The following SRSF1 variants were observed in gnomAD, a reference collection of about 807,000 sequenced individuals.
The protein encoded by SRSF1 is serine and arginine rich splicing factor 1.
Under a neutral mutation model 25.9 loss-of-function variants are expected in SRSF1, and 1 was observed. That is an observed-to-expected ratio of 0.04 (90% CI 0.01 to 0.18). The LOEUF is 0.18. Ranked by LOEUF, SRSF1 falls within the 10% of genes least tolerant of loss-of-function variation. The pLI, the probability that SRSF1 is intolerant of heterozygous loss-of-function variation, is 1.00. For synonymous variants in SRSF1, 132 were observed against 126.2 expected (o/e 1.05, Z -0.31); for missense variants, 65 against 350.5 (o/e 0.19, Z 6.50).
At chr17:57,997,291 T>C (rs1249315278), downstream of SRSF1, among the ~76,000 whole-genome samples, 1 of 152,222 alleles carries the variant, frequency 6.6e-6, no homozygotes, top group East Asian at 1.9e-4. Context: ...TGGCTTCACA[T>C]CTGAGGAGTT....
chr17:57,996,658 TGC>T (rs2143442320), downstream of SRSF1, among the ~76,000 whole-genome samples: 1 of 152,250 alleles, frequency 6.6e-6, no homozygotes, highest in South Asian at 2.1e-4. Context: ...AGTTCAAGAA[TGC>T]TTCAGTCATT....
At position 58,002,302 on chromosome 17, in the gene SRSF1, CACA is replaced by C. The variant is rs767194148; in HGVS notation, c.*3101_*3103del. Among the ~76,000 whole-genome samples, 1 of 152,122 alleles carries C rather than the reference CACA, an allele frequency of 6.6e-6. No individual in the cohort carries two copies. The highest frequency in any genetic ancestry group is 1.5e-5 in the Non-Finnish European group (1 of 68,012). On this transcript the variant is annotated 3_prime_UTR_variant, in exon 4 of 4. Transcript: ENST00000258962. ...TTAACATCCCCTCTTCCCAACATTC[CACA>C]ACGTTCATTAAAATCTACCGATTGG...
At position 58,005,779 on chromosome 17, in the gene SRSF1, A is replaced by G. The variant is rs149236228; in HGVS notation, c.552+22T>C. On this transcript the variant is annotated intron_variant, in intron 3 of 3. Coordinates refer to ENST00000258962, the MANE Select transcript of SRSF1 (RefSeq NM_006924.5). This position sits in a 1 kb window ranked among gnomAD's most constrained non-coding sequence, Gnocchi z 5.2. ...CACTGTATCCAATTCTGGTCAAAGA[A>G]AAGAATACGTGTATAACCTACCTCA... 2 of 1,614,214 alleles carry G rather than the reference A, an allele frequency of 1.2e-6. No homozygotes were observed. The highest frequency in any genetic ancestry group is 1.3e-5 in the African/African-American group (1 of 75,060).
In SRSF1 at chr17:58,005,998, T is replaced by C; in HGVS notation, c.380-25A>G. The C allele has an allele frequency of 6.3e-7, 1 of 1,598,038 alleles. No individual in the cohort carries two copies. ...CCTGAAAAAGTGATTTTTTTTTTCT[T>C]AGTACCAATTATCTTAAATTTCACG... On this transcript the variant is annotated intron_variant, in intron 2 of 3. Coordinates refer to ENST00000258962, the MANE Select transcript of SRSF1 (RefSeq NM_006924.5). The surrounding 1 kb of genome is among the most constrained non-coding windows in gnomAD (Gnocchi z 5.2).
downstream of SRSF1, among the ~76,000 whole-genome samples, chr17:57,995,994 G>A (rs2075363098): frequency 6.6e-6 from 1 of 152,060 alleles, no homozygotes; most frequent in Non-Finnish European, 1.5e-5. Flanking sequence ...TATAAAAAAG[G>A]TAGCAAGGGT....
rs1261973746 is a variant in SRSF1 at position 58,004,544 on chromosome 17, T to G, written c.*862A>C. 6.4e-6 allele frequency: 1 copy of G among 157,122 alleles called. No homozygotes were observed. The highest frequency in any genetic ancestry group is 1.4e-5 in the Non-Finnish European group (1 of 71,352). 9.7% of individuals were successfully genotyped at this position (157,122 alleles called of 1,614,324 possible). On this transcript the variant is annotated 3_prime_UTR_variant, in exon 4 of 4. Coordinates refer to ENST00000258962, the MANE Select transcript of SRSF1 (RefSeq NM_006924.5). Reference sequence around the variant, plus strand: ...CGCTCTATCAGTCACACAGAGGACATGCAGATTTAGCAGTATTGATATTAT... The same window carrying G: ...CGCTCTATCAGTCACACAGAGGACAGGCAGATTTAGCAGTATTGATATTAT...
the SRSF1 span, chr17:57,991,485 C>CA: frequency 1.3e-5 from 2 of 152,088 alleles, no homozygotes; most frequent in South Asian, 2.1e-4. Context: ...ACTCTTTATG[C>CA]AAAAAAGCCA....
In SRSF1 at chr17:58,007,179, C is replaced by A; in HGVS notation, c.-42G>T. 1 of 1,608,132 alleles carries A rather than the reference C, an allele frequency of 6.2e-7. No individual in the cohort carries two copies. Among genetic ancestry groups the A allele is most frequent in the Non-Finnish European group, 8.5e-7 (1 of 1,177,136 alleles). On this transcript the variant is annotated 5_prime_UTR_variant, in exon 1 of 4. Coordinates refer to ENST00000258962, the MANE Select transcript of SRSF1 (RefSeq NM_006924.5). ...GCGGACTCGAGAACAGGCCTTCCCA[C>A]CAAGCCTAGCGCACGGCAGAGCGAG... is the stretch of plus-strand genomic sequence containing the variant.
chr17:58,000,955 A>G lies in SRSF1; in HGVS notation c.*4451T>C, dbSNP rs1266119685. ...GTTCACATTTAATTAGCTCAACAACAGAAAATCTTTTGTTTTCGTAGTTTT... is the reference window on the plus strand; with the variant it reads ...GTTCACATTTAATTAGCTCAACAACGGAAAATCTTTTGTTTTCGTAGTTTT... On this transcript the variant is annotated 3_prime_UTR_variant, in exon 4 of 4. Coordinates refer to ENST00000258962, the MANE Select transcript of SRSF1 (RefSeq NM_006924.5). 6.6e-6 allele frequency among the ~76,000 whole-genome samples: 1 copy of G among 152,176 alleles called. No individual in the cohort carries two copies. The highest frequency in any genetic ancestry group is 1.5e-5 in the Non-Finnish European group (1 of 68,008).
the SRSF1 span, chr17:57,991,324 TAC>T: frequency 6.6e-6 from 1 of 152,250 alleles, no homozygotes; most frequent in Non-Finnish European, 1.5e-5. Context: ...GGATGTGGAT[TAC>T]AGACTTAGAA....
At chr17:57,991,912 A>C in the SRSF1 span, 1 of 152,264 alleles carries the variant, frequency 6.6e-6, no homozygotes, top group South Asian at 2.1e-4. Flanking sequence ...AAAGTCATAG[A>C]GAGCAAAGGG....
Position 58,005,981 on chromosome 17 carries a change from A to C in SRSF1, c.380-8T>G, listed in dbSNP as rs771173847. 56 of 1,607,448 alleles carry C rather than the reference A, an allele frequency of 3.5e-5. No individual in the cohort carries two copies. Among genetic ancestry groups the C allele is most frequent in the South Asian group, 6.6e-5 (6 of 90,664 alleles). The stretch of plus-strand genomic sequence containing the variant: ...TTCCACTTGGAGGCAGTCCTGAAAA[A>C]GTGATTTTTTTTTTCTTAGTACCAA... On this transcript the variant is annotated splice_region_variant and splice_polypyrimidine_tract_variant and intron_variant, in intron 2 of 3. Transcript: ENST00000258962. The surrounding 1 kb of genome is among the most constrained non-coding windows in gnomAD (Gnocchi z 5.2).
chr17:57,998,360 A>G (rs1262660780), downstream of SRSF1, among the ~76,000 whole-genome samples: 2 of 152,206 alleles, frequency 1.3e-5, no homozygotes, highest in Non-Finnish European at 2.9e-5. Context: ...TGATCCTATA[A>G]TCTTATGTAT....
downstream of SRSF1, among the ~76,000 whole-genome samples, chr17:57,996,849 T>G (rs1186732846): frequency 1.3e-5 from 2 of 152,156 alleles, no homozygotes; most frequent in African/African-American, 2.4e-5. Flanking sequence ...AGTTAATGCT[T>G]AAGACTCCCA....
At chr17:58,000,360 C>A (rs911293532), downstream of SRSF1, among the ~76,000 whole-genome samples, 1 of 152,256 alleles carries the variant, frequency 6.6e-6, no homozygotes, top group East Asian at 1.9e-4. Flanking sequence ...TAGACAATCA[C>A]GATAGACATA....
At chr17:58,006,061 A>G (rs978411269) in intron 2 of SRSF1, 88 bp from the exon 3 acceptor site, 2 of 1,291,474 alleles carry the variant, frequency 1.5e-6, no homozygotes, top group East Asian at 2.4e-5. Context: ...AGAGTACTTT[A>G]AAGTACTTAA....
intron 2 of SRSF1, 133 bp from the exon 3 acceptor site, chr17:58,006,106 TG>T: frequency 9.9e-7 from 1 of 1,008,682 alleles, no homozygotes; most frequent in East Asian, 2.6e-5. Flanking sequence ...TAAAGAGAGC[TG>T]GTAAGATTCT....
the SRSF1 span, chr17:57,992,056 A>C: frequency 6.6e-6 from 1 of 152,264 alleles, no homozygotes; most frequent in Non-Finnish European, 1.5e-5. Flanking sequence ...GTCTAAAGCC[A>C]TGGAAACACA....
At chr17:57,990,756 A>G in the SRSF1 span, 17 of 152,356 alleles carry the variant, frequency 1.1e-4, no homozygotes, top group Admixed American at 4.6e-4. Context: ...CATGATGAAT[A>G]AAGCATCTAA....
Sources: gnomAD v4.1 joint callset for allele counts (sites outside exome capture counted in the v4.1 genomes callset) on GRCh38, gnomAD v4.1.1 for gene constraint, Gnocchi (gnomAD v3.1) non-coding constraint, MANE v1.5 for transcripts, NCBI Gene and HGNC (gene_info 2026-07-23, HGNC 2026-07-21) for gene names.